Variants in LMO7 observed in about 807,000 individuals in gnomAD.
LMO7 encodes the protein LIM domain only protein 7.
A neutral mutation model predicts 206.5 loss-of-function variants in LMO7; 120 were observed. That is an observed-to-expected ratio of 0.58 (90% CI 0.50 to 0.68). The LOEUF is 0.68. Ranked by LOEUF, LMO7 falls within the 30% of genes least tolerant of loss-of-function variation. LMO7 has a pLI of 0.00. For missense variants in LMO7, 1,959 were observed against 1,957.9 expected, an observed-to-expected ratio of 1.00 and a Z score of -0.01; for synonymous variants, 706 against 681.5, an observed-to-expected ratio of 1.04 and a Z score of -0.56.
intron 4 of LMO7, among the ~76,000 whole-genome samples, chr13:75,765,361 A>G (rs1302363198): frequency 6.6e-6 from 1 of 150,638 alleles, no homozygotes; most frequent in East Asian, 1.9e-4. Context: ...GAGTTTCTCA[A>G]CATCTTCATC....
At chr13:75,854,029 G>A (rs2060716502) in intron 28 of LMO7, among the ~76,000 whole-genome samples, 1 of 152,188 alleles carries the variant, frequency 6.6e-6, no homozygotes, top group South Asian at 2.1e-4. Flanking sequence ...AAGTGTATAT[G>A]TTATGATAGG....
At chr13:75,691,634 A>G (rs1051526784) in intron 1 of LMO7, among the ~76,000 whole-genome samples, 2 of 152,042 alleles carry the variant, frequency 1.3e-5, no homozygotes, top group Admixed American at 6.6e-5. Context: ...TCTTTCTCCT[A>G]TAGCCTTCCC....
At chr13:75,646,575 C>T (rs201128464) in intron 1 of LMO7, among the ~76,000 whole-genome samples, 1 of 139,500 alleles carries the variant, frequency 7.2e-6, no homozygotes, top group African/African-American at 2.9e-5. Context: ...GTAGAGAGAA[C>T]TTTTTTTTTT....
At chr13:75,799,506 A>C (rs773021321) in intron 6 of LMO7, among the ~76,000 whole-genome samples, 5 of 152,202 alleles carry the variant, frequency 3.3e-5, no homozygotes, top group Admixed American at 2.6e-4. Context: ...ATGTAGCTAC[A>C]GTGTTTATTA....
intron 1 of LMO7, among the ~76,000 whole-genome samples, chr13:75,682,781 A>G (rs1014107236): frequency 3.3e-5 from 5 of 152,208 alleles, no homozygotes; most frequent in Admixed American, 1.3e-4. Flanking sequence ...CGCATGTCAT[A>G]TGATTTTGCA....
chr13:75,703,559 CAAAG>C (rs1173405620), intron 1 of LMO7, among the ~76,000 whole-genome samples: 1 of 152,198 alleles, frequency 6.6e-6, no homozygotes, highest in Non-Finnish European at 1.5e-5. Context: ...AGGGTTGCTA[CAAAG>C]ATTCAGGCCC....
Position 75,800,632 on chromosome 13 carries a change from AT to A in LMO7, c.463-46del. On this transcript the variant is annotated intron_variant, in intron 6 of 30. Transcript: ENST00000377534. The stretch of plus-strand genomic sequence containing the variant: ...AAGCAAGTAATAACCGATTGATTAT[AT>A]TTTTTGGAAGTTTATTTAACTTACT... 5 of 1,519,832 alleles carry A rather than the reference AT, an allele frequency of 3.3e-6. No homozygotes were observed. The South Asian group carries it at 5.7e-5, about 17-fold the overall frequency. The allele number at this position is 1,519,832 out of a possible 1,614,324, so 94.1% of individuals were successfully genotyped here.
chr13:75,750,068 AC>A (rs1157202376), intron 3 of LMO7, among the ~76,000 whole-genome samples: 49 of 152,170 alleles, frequency 3.2e-4, no homozygotes, highest in African/African-American at 1.1e-3. Flanking sequence ...TAAAAAAAAA[AC>A]CAGTGCTGGC....
intron 2 of LMO7, among the ~76,000 whole-genome samples, chr13:75,714,738 G>A (rs965471822): frequency 2.0e-5 from 3 of 152,134 alleles, no homozygotes; most frequent in Non-Finnish European, 2.9e-5. Context: ...AGCCCAACTG[G>A]TCACTAATGG....
intron 4 of LMO7, among the ~76,000 whole-genome samples, chr13:75,794,636 C>T (rs557242484): frequency 6.6e-6 from 1 of 152,280 alleles, no homozygotes; most frequent in African/African-American, 2.4e-5. Flanking sequence ...TCACACCGAT[C>T]CTGCTTAAGT....
chr13:75,800,135 G>A (rs79439411), intron 6 of LMO7, among the ~76,000 whole-genome samples: 1,572 of 152,288 alleles, frequency 0.01, 30 homozygotes, highest in African/African-American at 0.033. Context: ...TGTGAAATTT[G>A]TGCCCACTTG....
chr13:75,681,596 C>T (rs536831014), intron 1 of LMO7, among the ~76,000 whole-genome samples: 16 of 151,434 alleles, frequency 1.1e-4, no homozygotes, highest in Non-Finnish European at 1.9e-4. Flanking sequence ...GTCAACTCTT[C>T]TCACTCTGTC....
At chr13:75,737,853 A>C (rs1277056491) in intron 3 of LMO7, among the ~76,000 whole-genome samples, 1 of 145,676 alleles carries the variant, frequency 6.9e-6, no homozygotes, top group Non-Finnish European at 1.5e-5. Flanking sequence ...AAAAAAAAAA[A>C]AAAAAAAAAA....
intron 1 of LMO7, among the ~76,000 whole-genome samples, chr13:75,697,585 A>G (rs1380566121): frequency 6.6e-6 from 1 of 152,202 alleles, no homozygotes; most frequent in African/African-American, 2.4e-5. Flanking sequence ...ACAATTCACA[A>G]TGAGATTTGG....
chr13:75,757,221 C>T (rs1159742637), intron 3 of LMO7, among the ~76,000 whole-genome samples: 2 of 152,100 alleles, frequency 1.3e-5, no homozygotes, highest in Admixed American at 6.6e-5. Context: ...ATGAGTGAGC[C>T]GCCTTGGAAA....
intron 7 of LMO7, among the ~76,000 whole-genome samples, chr13:75,803,454 G>A (rs1343634011): frequency 6.6e-6 from 1 of 152,204 alleles, no homozygotes; most frequent in Non-Finnish European, 1.5e-5. Flanking sequence ...GAAGAGAAGG[G>A]TGTGAAAGAG....
At chr13:75,809,119 A>C in intron 10 of LMO7, 35 bp from the exon 11 acceptor site, 3 of 1,553,796 alleles carry the variant, frequency 1.9e-6, no homozygotes, top group Non-Finnish European at 2.7e-6. Flanking sequence ...ACTGGGAAAA[A>C]TGACTTTTTA....
At chr13:75,741,546 C>A (rs897859443) in intron 3 of LMO7, among the ~76,000 whole-genome samples, 7 of 152,188 alleles carry the variant, frequency 4.6e-5, no homozygotes, top group Admixed American at 2.0e-4. Flanking sequence ...ATCAAGCAGG[C>A]TTTATTGCTA....
Position 75,807,608 on chromosome 13 carries a change from C to T in LMO7, c.1325C>T (p.Pro442Leu), listed in dbSNP as rs1224158485. The T allele has an allele frequency of 6.2e-7, 1 of 1,613,820 alleles. No homozygotes were observed. The highest frequency in any genetic ancestry group is 8.5e-7 in the Non-Finnish European group (1 of 1,179,882). The change falls in exon 10 of 31, where the codon CCA becomes CTA. Residue 442 changes from proline (P) to leucine (L), a missense_variant. Coordinates refer to ENST00000377534, the MANE Select transcript of LMO7 (RefSeq NM_001306080.2). Reference protein sequence around the residue: ...ITRRKNLSYAPGYRRDDLEMA... With the variant: ...ITRRKNLSYALGYRRDDLEMA... The stretch of plus-strand genomic sequence containing the variant: ...CGCAGGAAGAATCTCTCTTATGCAC[C>T]AGGCTATAGAAGAGATGACCTCGAG...
Sources: allele counts gnomAD v4.1 joint callset (sites outside exome capture counted in the v4.1 genomes callset), GRCh38; gene constraint gnomAD v4.1.1; transcripts MANE v1.5; gene names NCBI Gene and HGNC (gene_info 2026-07-23, HGNC 2026-07-21).